Variants in PDZD2 observed in about 807,000 individuals in gnomAD.
The protein encoded by PDZD2 is PDZ domain-containing protein 2.
In PDZD2, 90 loss-of-function variants were observed where a neutral mutation model predicts 220.7. The observed-to-expected ratio is 0.41, with a 90% CI of 0.34 to 0.49. PDZD2 has a LOEUF of 0.49. PDZD2 is among the 20% of genes least tolerant of loss of function. The probability of loss-of-function intolerance (pLI) is 0.28; values close to 1 mark genes in which losing one functional copy is unlikely to be tolerated. For synonymous variants in PDZD2, 1,375 were observed against 1,450.5 expected, an observed-to-expected ratio of 0.95 and a Z score of 1.18; for missense variants, 3,174 against 3,608.5, an observed-to-expected ratio of 0.88 and a Z score of 3.08.
chr5:31,686,425 C>T lies in PDZD2; in HGVS notation c.-361+46988C>T, dbSNP rs777069501. On this transcript the variant is annotated intron_variant, in intron 1 of 24. Transcript: ENST00000438447. ...TGTTGCCCAGGCTGGAGGGCAATGG[C>T]GTGATCTTGGCTCACTGCAACCTCC... Among the ~76,000 whole-genome samples, 115 of 151,914 alleles carry T rather than the reference C, an allele frequency of 7.6e-4. 1 individual carries two copies. Among genetic ancestry groups the T allele is most frequent in the African/African-American group, 2.5e-3 (102 of 41,454 alleles).
chr5:31,870,278 C>T (rs1738667120), intron 2 of PDZD2, among the ~76,000 whole-genome samples: 1 of 152,128 alleles, frequency 6.6e-6, no homozygotes, highest in African/African-American at 2.4e-5. Flanking sequence ...GTGTAGAGTC[C>T]ACCCCGGCCC....
intron 1 of PDZD2, among the ~76,000 whole-genome samples, chr5:31,667,851 T>C (rs1016290742): frequency 7.0e-6 from 1 of 143,490 alleles, no homozygotes; most frequent in Non-Finnish European, 1.5e-5. Context: ...GCCTTTTTTT[T>C]TTCCTTTTTT....
chr5:32,019,139 C>CT (rs3037908), intron 6 of PDZD2, among the ~76,000 whole-genome samples: 52,492 of 106,398 alleles, frequency 0.49, 14,522 homozygotes, highest in Non-Finnish European at 0.6. Context: ...CATAGAAAAG[C>CT]TTTTTTTTTT....
chr5:31,753,126 G>A (rs1466135436), intron 1 of PDZD2, among the ~76,000 whole-genome samples: 1 of 152,126 alleles, frequency 6.6e-6, no homozygotes, highest in African/African-American at 2.4e-5. Flanking sequence ...ATGTCTATGA[G>A]GTATCAGGTG....
chr5:31,957,387 AGACCAGTGCCTG>A (rs1346383900), intron 2 of PDZD2, among the ~76,000 whole-genome samples: 2 of 152,242 alleles, frequency 1.3e-5, no homozygotes, highest in Non-Finnish European at 2.9e-5. Flanking sequence ...TGCACATCAC[AGACCAGTGCCTG>A]GGGTGTTACG....
intron 1 of PDZD2, among the ~76,000 whole-genome samples, chr5:31,640,330 C>T (rs990136502): frequency 1.3e-5 from 2 of 152,184 alleles, no homozygotes; most frequent in Non-Finnish European, 2.9e-5. Flanking sequence ...ACTGGAATGG[C>T]AGGCACGAGG....
intron 1 of PDZD2, among the ~76,000 whole-genome samples, chr5:31,741,138 C>T (rs1176852443): frequency 6.6e-6 from 1 of 151,854 alleles, no homozygotes; most frequent in Admixed American, 6.6e-5. Flanking sequence ...TTTTGAAGAC[C>T]CCTTGTACAA....
At chr5:32,002,570 ACACACACACCTCACACATAC>A (rs1752220232) in intron 5 of PDZD2, among the ~76,000 whole-genome samples, 6 of 149,552 alleles carry the variant, frequency 4.0e-5, no homozygotes, top group South Asian at 2.1e-4. Flanking sequence ...GGTCTTATAC[ACACACACACCTCACACATAC>A]CACACACACA....
At chr5:32,060,584 T>G (rs907029621) in intron 13 of PDZD2, among the ~76,000 whole-genome samples, 3 of 152,294 alleles carry the variant, frequency 2.0e-5, no homozygotes, top group Admixed American at 6.5e-5. Flanking sequence ...GGACCCGAGT[T>G]AGTTCAACAG....
rs138571297 is a variant in PDZD2 at position 32,086,399 on chromosome 5, C to A, written c.3683-732C>A. On this transcript the variant is annotated intron_variant, in intron 19 of 24. Coordinates refer to ENST00000438447, the MANE Select transcript of PDZD2 (RefSeq NM_178140.4). The stretch of plus-strand genomic sequence containing the variant: ...TCAGAGGGTGAATGGCATAAAGAGA[C>A]CCAAGTGTGCAATGATTAAATCAGG... Among the ~76,000 whole-genome samples the A allele has an allele frequency of 1.7e-4, 26 of 152,214 alleles. No individual in the cohort carries two copies. In the East Asian group the frequency reaches 3.9e-3, roughly 23 times the overall value.
chr5:31,837,842 G>A (rs553779652), intron 2 of PDZD2, among the ~76,000 whole-genome samples: 2 of 152,128 alleles, frequency 1.3e-5, no homozygotes, highest in Non-Finnish European at 2.9e-5. Context: ...AGCTGAGATC[G>A]CACCACTGCC....
intron 21 of PDZD2, among the ~76,000 whole-genome samples, chr5:32,096,866 C>T (rs1743762854): frequency 8.3e-6 from 1 of 120,722 alleles, no homozygotes; most frequent in African/African-American, 3.2e-5. Context: ...GACAAGGTCT[C>T]ACTCTGTCAA....
intron 2 of PDZD2, among the ~76,000 whole-genome samples, chr5:31,956,637 T>C (rs1035656263): frequency 1.3e-5 from 2 of 150,404 alleles, no homozygotes; most frequent in Admixed American, 6.6e-5. Context: ...CACATGCCTG[T>C]AGTCACAGCT....
At chr5:32,002,603 C>CACCA (rs56391318) in intron 5 of PDZD2, among the ~76,000 whole-genome samples, 1 of 131,718 alleles carries the variant, frequency 7.6e-6, no homozygotes, top group Non-Finnish European at 1.7e-5. Flanking sequence ...CACACACACA[C>CACCA]CACACACACA....
intron 2 of PDZD2, among the ~76,000 whole-genome samples, chr5:31,892,082 T>G (rs1741100397): frequency 6.6e-6 from 1 of 152,094 alleles, no homozygotes. Flanking sequence ...GGCTAATTTT[T>G]TTTATTTTTT....
chr5:31,803,173 CTGCAGCCTT>C (rs145417846), intron 2 of PDZD2, among the ~76,000 whole-genome samples: 12,278 of 150,602 alleles, frequency 0.082, 612 homozygotes, highest in South Asian at 0.21. Flanking sequence ...TCATAGCTCA[CTGCAGCCTT>C]GAACTCCTGG....
At chr5:31,732,173 T>C (rs1749572377) in intron 1 of PDZD2, among the ~76,000 whole-genome samples, 1 of 152,240 alleles carries the variant, frequency 6.6e-6, no homozygotes, top group African/African-American at 2.4e-5. Flanking sequence ...CCTGACCTGA[T>C]GGCTTGCCCT....
chr5:31,892,303 A>G (rs957854330), intron 2 of PDZD2, among the ~76,000 whole-genome samples: 2 of 152,212 alleles, frequency 1.3e-5, no homozygotes, highest in Non-Finnish European at 2.9e-5. Context: ...CTGACCAGCA[A>G]TAACCACAGC....
intron 1 of PDZD2, among the ~76,000 whole-genome samples, chr5:31,700,392 G>T (rs957113071): frequency 6.6e-6 from 1 of 152,090 alleles, no homozygotes; most frequent in East Asian, 1.9e-4. Flanking sequence ...GTGTTAAAGA[G>T]ATGATTTCCA....
Sources: allele counts gnomAD v4.1 joint callset (sites outside exome capture counted in the v4.1 genomes callset), GRCh38; gene constraint gnomAD v4.1.1; transcripts MANE v1.5; gene names NCBI Gene and HGNC (gene_info 2026-07-23, HGNC 2026-07-21).